PARD3: variants seen among roughly 807,000 people sequenced by gnomAD.
PARD3 encodes par-3 family cell polarity regulator.
PARD3 carries 75 observed loss-of-function variants against 155.4 expected under a neutral mutation model. The ratio of observed to expected loss-of-function variants is 0.48; its 90% CI spans 0.40 to 0.58. The LOEUF is 0.58. PARD3 is among the 20% of genes least tolerant of loss of function. The pLI is 0.00. For missense variants in PARD3, 1,642 were observed against 1,721.7 expected (o/e 0.95, Z 0.82); for synonymous variants, 576 against 610.5 (o/e 0.94, Z 0.83).
intron 7 of PARD3, among the ~76,000 whole-genome samples, chr10:34,398,574 C>T (rs550018508): frequency 2.0e-5 from 3 of 152,314 alleles, no homozygotes; most frequent in East Asian, 3.9e-4. Context: ...TAAACATGCA[C>T]AAGTTCAGAC....
At chr10:34,380,076 T>C (rs1273695473) in intron 9 of PARD3, among the ~76,000 whole-genome samples, 1 of 152,110 alleles carries the variant, frequency 6.6e-6, no homozygotes, top group Non-Finnish European at 1.5e-5. Context: ...TGTAATAACT[T>C]GTAAGAAAAA....
chr10:34,797,756 A>G (rs897176478), intron 1 of PARD3, among the ~76,000 whole-genome samples: 3 of 152,074 alleles, frequency 2.0e-5, no homozygotes, highest in African/African-American at 7.2e-5. Flanking sequence ...CCCCCATCTC[A>G]TTACAACTCC....
intron 2 of PARD3, among the ~76,000 whole-genome samples, chr10:34,573,971 A>G (rs2086681997): frequency 6.6e-6 from 1 of 152,154 alleles, no homozygotes; most frequent in South Asian, 2.1e-4. Flanking sequence ...TATTGGATTG[A>G]TATTTTTATT....
At chr10:34,403,113 C>A (rs1300961058) in intron 5 of PARD3, among the ~76,000 whole-genome samples, 1 of 152,152 alleles carries the variant, frequency 6.6e-6, no homozygotes, top group African/African-American at 2.4e-5. Context: ...AAAGTAAAAT[C>A]ATGCCTAGGA....
chr10:34,200,489 G>A (rs1256619612), intron 22 of PARD3, among the ~76,000 whole-genome samples: 1 of 151,730 alleles, frequency 6.6e-6, no homozygotes, highest in African/African-American at 2.4e-5. Context: ...GGCAGCAGAT[G>A]GGGTCTATCT....
intron 1 of PARD3, among the ~76,000 whole-genome samples, chr10:34,702,503 G>A (rs1001473296): frequency 2.0e-5 from 3 of 152,114 alleles, no homozygotes; most frequent in African/African-American, 4.8e-5. Context: ...AGCCCCTGGC[G>A]GCTCACTGCA....
intron 22 of PARD3, among the ~76,000 whole-genome samples, chr10:34,239,549 C>G (rs577283925): frequency 3.5e-4 from 53 of 152,234 alleles, no homozygotes; most frequent in South Asian, 1.5e-3. Flanking sequence ...TGCCTGTAAT[C>G]TCAGCACTTT....
At chr10:34,606,841 C>T (rs2132574462) in intron 2 of PARD3, among the ~76,000 whole-genome samples, 1 of 151,670 alleles carries the variant, frequency 6.6e-6, no homozygotes, top group East Asian at 1.9e-4. Context: ...GTGGTGCACG[C>T]CTGTAGTCCC....
At chr10:34,566,170 T>A (rs1296417847) in intron 2 of PARD3, among the ~76,000 whole-genome samples, 1 of 152,112 alleles carries the variant, frequency 6.6e-6, no homozygotes, top group Non-Finnish European at 1.5e-5. Flanking sequence ...TTGCAAGAAG[T>A]ATTGAGCTAT....
intron 2 of PARD3, among the ~76,000 whole-genome samples, chr10:34,614,265 T>C (rs2091105925): frequency 6.6e-6 from 1 of 152,148 alleles, no homozygotes; most frequent in African/African-American, 2.4e-5. Flanking sequence ...ACCAGGAACC[T>C]GGGAAATTAT....
intron 7 of PARD3, among the ~76,000 whole-genome samples, chr10:34,395,525 T>G (rs529269110): frequency 6.6e-6 from 1 of 152,108 alleles, no homozygotes; most frequent in East Asian, 1.9e-4. Flanking sequence ...GAATAACATA[T>G]ACAAGGAAAT....
At chr10:34,676,573 G>A (rs1456143481) in intron 2 of PARD3, among the ~76,000 whole-genome samples, 2 of 152,116 alleles carry the variant, frequency 1.3e-5, no homozygotes, top group African/African-American at 2.4e-5. Context: ...GTTTACAAGG[G>A]CAGAACATCA....
intron 2 of PARD3, among the ~76,000 whole-genome samples, chr10:34,673,288 A>G (rs1170628879): frequency 6.6e-6 from 1 of 152,232 alleles, no homozygotes; most frequent in Non-Finnish European, 1.5e-5. Flanking sequence ...AGATTAAACT[A>G]AAGATAGCAA....
chr10:34,802,370 T>C (rs1049316613), intron 1 of PARD3, among the ~76,000 whole-genome samples: 3 of 152,002 alleles, frequency 2.0e-5, no homozygotes, highest in Admixed American at 6.5e-5. Context: ...TTTTGTGAAA[T>C]AGCCATTAAA....
chr10:34,544,109 T>C (rs576107188), intron 2 of PARD3, among the ~76,000 whole-genome samples: 1 of 152,184 alleles, frequency 6.6e-6, no homozygotes, highest in Non-Finnish European at 1.5e-5. Flanking sequence ...CAGGGAGCTA[T>C]AAAATAAATT....
At chr10:34,672,721 G>A (rs898659271) in intron 2 of PARD3, among the ~76,000 whole-genome samples, 3 of 152,178 alleles carry the variant, frequency 2.0e-5, no homozygotes, top group African/African-American at 7.2e-5. Context: ...TAGAAGAACT[G>A]TTGCCTTTCA....
chr10:34,671,834 C>A (rs2093615158), intron 2 of PARD3, among the ~76,000 whole-genome samples: 1 of 149,316 alleles, frequency 6.7e-6, no homozygotes, highest in African/African-American at 2.5e-5. Flanking sequence ...TCATGAATTA[C>A]AAAAACATGC....
intron 2 of PARD3, among the ~76,000 whole-genome samples, chr10:34,523,115 T>G (rs1263090933): frequency 1.3e-5 from 2 of 152,176 alleles, no homozygotes; most frequent in Non-Finnish European, 2.9e-5. Flanking sequence ...TCACAGACAA[T>G]TCATCCTGCT....
rs2093818312 is a variant in PARD3 at position 34,681,478 on chromosome 10, TC to T, written c.222+14839del. Among the ~76,000 whole-genome samples the T allele has an allele frequency of 2.6e-5, 4 of 151,634 alleles. No individual in the cohort carries two copies. The South Asian group carries it at 8.3e-4, about 32-fold the overall frequency. On this transcript the variant is annotated intron_variant, in intron 2 of 24. Coordinates refer to ENST00000374788, the MANE Select transcript of PARD3 (RefSeq NM_001184785.2). ...CTCCTAATTTATCCAGCCTGAATATTCCCACCTACATATGGGACTTTTCTTG... is the reference window on the plus strand; with the variant it reads ...CTCCTAATTTATCCAGCCTGAATATTCCACCTACATATGGGACTTTTCTTG...
Sources: allele counts gnomAD v4.1 joint callset (sites outside exome capture counted in the v4.1 genomes callset), GRCh38; gene constraint gnomAD v4.1.1; transcripts MANE v1.5; gene names NCBI Gene and HGNC (gene_info 2026-07-23, HGNC 2026-07-21).